KY: variants seen among roughly 807,000 people sequenced by gnomAD.
The protein encoded by KY is kyphoscoliosis peptidase.
Under a neutral mutation model 76.1 loss-of-function variants are expected in KY, and 43 were observed. That is an observed-to-expected ratio of 0.57 (90% CI 0.44 to 0.73). The LOEUF is 0.73. Among genes scored for constraint, KY ranks in the 30% least tolerant of loss-of-function variants. The probability of loss-of-function intolerance (pLI) is 0.00; values close to 1 mark genes in which losing one functional copy is unlikely to be tolerated. For missense variants in KY, 722 were observed against 828.9 expected (o/e 0.87, Z 1.58); for synonymous variants, 277 against 326.2 (o/e 0.85, Z 1.63).
Position 134,629,710 on chromosome 3 carries a change from G to A in KY, c.263-15C>T. On this transcript the variant is annotated splice_polypyrimidine_tract_variant and intron_variant, in intron 3 of 10. Coordinates refer to ENST00000423778, the MANE Select transcript of KY (RefSeq NM_178554.6). ...CAGTTGTGTCCCTACAAAGGAAAAGGAGATGACATTCTCAACCAGATGCTG... is the reference window on the plus strand; with the variant it reads ...CAGTTGTGTCCCTACAAAGGAAAAGAAGATGACATTCTCAACCAGATGCTG... 1 of 1,559,918 alleles carries A rather than the reference G, an allele frequency of 6.4e-7. No individual in the cohort carries two copies. The highest frequency in any genetic ancestry group is 8.7e-7 in the Non-Finnish European group (1 of 1,144,814).
At chr3:134,643,238 C>T in intron 3 of KY, 78 bp downstream of exon 3, 1 of 1,417,984 alleles carries the variant, frequency 7.1e-7, no homozygotes, top group Non-Finnish European at 9.9e-7. Context: ...GCTCCACATC[C>T]TGGGCTGTCG....
chr3:134,615,778 T>G (rs1229038301), intron 8 of KY, among the ~76,000 whole-genome samples: 10 of 152,334 alleles, frequency 6.6e-5, no homozygotes, highest in African/African-American at 2.4e-4. Flanking sequence ...AGATGGCCAC[T>G]GCCTATCTTT....
chr3:134,644,607 A>T (rs1479715532), intron 2 of KY, among the ~76,000 whole-genome samples: 1 of 152,166 alleles, frequency 6.6e-6, no homozygotes, highest in Non-Finnish European at 1.5e-5. Context: ...ACTGGAAGTG[A>T]CCAATGGGAC....
intron 3 of KY, among the ~76,000 whole-genome samples, chr3:134,635,879 A>C (rs1469075065): frequency 6.6e-6 from 1 of 152,260 alleles, no homozygotes; most frequent in Admixed American, 6.5e-5. Context: ...TAAAAATCCA[A>C]AGCCGATTAT....
intron 8 of KY, among the ~76,000 whole-genome samples, chr3:134,617,732 G>A (rs1400530336): frequency 2.0e-5 from 3 of 152,226 alleles, no homozygotes; most frequent in African/African-American, 7.2e-5. Flanking sequence ...GGGTACAAAG[G>A]AAGGGGAAGG....
At chr3:134,620,163 G>C (rs1962353550) in intron 7 of KY, among the ~76,000 whole-genome samples, 1 of 152,110 alleles carries the variant, frequency 6.6e-6, no homozygotes. Flanking sequence ...CTGCAGCTCT[G>C]CTTGACCCGG....
intron 8 of KY, among the ~76,000 whole-genome samples, chr3:134,611,469 T>C (rs529447002): frequency 3.3e-5 from 5 of 152,350 alleles, no homozygotes; most frequent in East Asian, 3.9e-4. Flanking sequence ...ATTTCACTGC[T>C]AGTCTGACCT....
intron 4 of KY, chr3:134,629,375 A>G (rs2107901747): frequency 4.0e-6 from 2 of 494,740 alleles, no homozygotes; most frequent in Middle Eastern, 5.5e-4. Context: ...TTGTGATGCA[A>G]TGTGTCTTCA....
At chr3:134,604,637 A>G (rs1486504268) in intron 10 of KY, among the ~76,000 whole-genome samples, 163 bp from the exon 11 acceptor site, 1 of 152,162 alleles carries the variant, frequency 6.6e-6, no homozygotes, top group Non-Finnish European at 1.5e-5. Context: ...CAAGCAACCA[A>G]TATGACTTCA....
intron 3 of KY, among the ~76,000 whole-genome samples, chr3:134,633,913 G>A (rs1001105339): frequency 2.0e-5 from 3 of 152,146 alleles, no homozygotes; most frequent in African/African-American, 7.2e-5. Context: ...CATGGTCACG[G>A]TATACAAGGT....
Position 134,610,495 on chromosome 3 carries a change from A to G in KY, c.711-112T>C, listed in dbSNP as rs142017951. 753 of 900,272 alleles carry G rather than the reference A, an allele frequency of 8.4e-4. 5 individuals carry two copies. The East Asian group carries it at 0.011, about 13-fold the overall frequency. The allele number at this position is 900,272 out of a possible 1,614,324, so 55.8% of individuals were successfully genotyped here. A position where few individuals can be genotyped will look rare whatever the true frequency, so the allele number is the denominator to read the frequency against. ...TGCTGCCCATCAGTCCTCCCTGTCT[A>G]TCCTTTTCCTTGCTTCTTGTACTCA... is the stretch of plus-strand genomic sequence containing the variant. On this transcript the variant is annotated intron_variant, in intron 8 of 10. Coordinates refer to ENST00000423778, the MANE Select transcript of KY (RefSeq NM_178554.6).
chr3:134,647,545 G>A (rs771580571), intron 1 of KY, 48 bp from the exon 2 acceptor site: 9 of 1,189,420 alleles, frequency 7.6e-6, no homozygotes, highest in Non-Finnish European at 1.0e-5. Flanking sequence ...GGGCAAAAGA[G>A]TGATGTACCA....
chr3:134,648,413 G>A (rs1373715596), intron 1 of KY, among the ~76,000 whole-genome samples: 1 of 152,188 alleles, frequency 6.6e-6, no homozygotes, highest in East Asian at 1.9e-4. Flanking sequence ...CTATGGAGTA[G>A]AATACACAAA....
At chr3:134,650,710 T>G in intron 1 of KY, 115 bp downstream of exon 1, 2 of 967,346 alleles carry the variant, frequency 2.1e-6, no homozygotes, top group South Asian at 1.8e-5. Flanking sequence ...GGGGAGAGGG[T>G]CGGGTTCGCT....
intron 7 of KY, among the ~76,000 whole-genome samples, chr3:134,619,696 C>T (rs575756504): frequency 6.6e-6 from 1 of 152,368 alleles, no homozygotes; most frequent in Admixed American, 6.5e-5. Flanking sequence ...CAGCCTGTCA[C>T]TTCACTAAGG....
chr3:134,637,264 C>A (rs1418434553), intron 3 of KY, among the ~76,000 whole-genome samples: 1 of 152,208 alleles, frequency 6.6e-6, no homozygotes, highest in Non-Finnish European at 1.5e-5. Flanking sequence ...GGTGCTATCG[C>A]CATCAGCAGC....
chr3:134,650,929 G>A lies in KY; in HGVS notation c.32C>T (p.Ser11Phe), dbSNP rs1350789580. The A allele has an allele frequency of 1.2e-6, 2 of 1,613,366 alleles. No individual in the cohort carries two copies. Among genetic ancestry groups the A allele is most frequent in the Non-Finnish European group, 1.7e-6 (2 of 1,179,532 alleles). The change falls in exon 1 of 11, where the codon TCT (serine) becomes TTT (phenylalanine). Residue 11 changes from serine (S) to phenylalanine (F), a missense_variant. Coordinates refer to ENST00000423778, the MANE Select transcript of KY (RefSeq NM_178554.6). The part of the protein sequence containing the change: MELKKDINAV[S>F]IDMLLIVHSE... ...GTGCACGATCAGCAGCATGTCGATA[G>A]ATACAGCGTTGATGTCCTTCTTCAG...
chr3:134,610,008 A>T (rs1184246825), intron 9 of KY, among the ~76,000 whole-genome samples, 187 bp downstream of exon 9: 1 of 152,138 alleles, frequency 6.6e-6, no homozygotes, highest in African/African-American at 2.4e-5. Flanking sequence ...GTGAGGTGAC[A>T]AAAGGGTCTG....
In KY at chr3:134,603,995, T is replaced by G; in HGVS notation, c.1570A>C (p.Lys524Gln). 1 of 1,613,876 alleles carries G rather than the reference T, an allele frequency of 6.2e-7. No homozygotes were observed. The highest frequency in any genetic ancestry group is 1.1e-5 in the South Asian group (1 of 91,076). The change falls in exon 11 of 11, where the codon AAA (lysine) becomes CAA (glutamine). Residue 524 changes from lysine (K) to glutamine (Q), a missense_variant. Coordinates refer to ENST00000423778, the MANE Select transcript of KY (RefSeq NM_178554.6). The stretch of plus-strand genomic sequence containing the variant: ...TTGCCTGCATGGGGCAGCTGGACTT[T>G]CAGCTCGGTCTGCTTCTCCCGGTGC... Reference protein sequence around the residue: ...QLHREKQTELKVQLPHAGKFA... With the variant: ...QLHREKQTELQVQLPHAGKFA...
Sources: allele counts gnomAD v4.1 joint callset (sites outside exome capture counted in the v4.1 genomes callset), GRCh38; gene constraint gnomAD v4.1.1; transcripts MANE v1.5; gene names NCBI Gene and HGNC (gene_info 2026-07-23, HGNC 2026-07-21).